Variants in POLR2B observed in about 807,000 individuals in gnomAD.
POLR2B encodes DNA-directed RNA polymerase II subunit RPB2.
POLR2B carries 57 observed loss-of-function variants against 144.6 expected under a neutral mutation model. That is an observed-to-expected ratio of 0.39 (90% CI 0.32 to 0.49). The LOEUF (loss-of-function observed/expected upper bound fraction) is 0.49, where lower values mean the gene tolerates loss of function less well. POLR2B is among the 20% of genes least tolerant of loss of function. POLR2B has a pLI of 0.83. For synonymous variants in POLR2B, 442 were observed against 469.8 expected, an observed-to-expected ratio of 0.94 and a Z score of 0.77; for missense variants, 595 against 1,467.4, an observed-to-expected ratio of 0.41 and a Z score of 9.71.
In POLR2B at chr4:56,996,275, TATA is replaced by T. The variant is rs1188209711; in HGVS notation, c.735+867_735+869del. Among the ~76,000 whole-genome samples, 706 of 104,500 alleles carry T rather than the reference TATA, an allele frequency of 6.8e-3. 21 individuals carry two copies. Among genetic ancestry groups the T allele is most frequent in the African/African-American group, 0.025 (683 of 27,818 alleles). The allele number at this position is 104,500 out of a possible 152,430, so 68.6% of individuals were successfully genotyped here. On this transcript the variant is annotated intron_variant, in intron 6 of 24. Coordinates refer to ENST00000314595, the MANE Select transcript of POLR2B (RefSeq NM_000938.3). ...GTGTGTGTGTGTGTATATATATATA[TATA>T]TTTTTTTTTTTTTTTTTTTTTGAGA... is the stretch of plus-strand genomic sequence containing the variant.
chr4:56,984,772 T>C (rs1330682283), intron 1 of POLR2B, among the ~76,000 whole-genome samples: 1 of 152,226 alleles, frequency 6.6e-6, no homozygotes, highest in Non-Finnish European at 1.5e-5. Context: ...TCATAGGCTA[T>C]ATATGTGTAC....
At chr4:56,980,359 G>A (rs1325994509) in intron 1 of POLR2B, among the ~76,000 whole-genome samples, 2 of 152,076 alleles carry the variant, frequency 1.3e-5, no homozygotes, top group Non-Finnish European at 2.9e-5. Flanking sequence ...CGAAAAAAAA[G>A]ATTTTTAAAG....
intron 23 of POLR2B, among the ~76,000 whole-genome samples, chr4:57,029,677 G>A (rs1723847392): frequency 6.6e-6 from 1 of 152,082 alleles, no homozygotes; most frequent in African/African-American, 2.4e-5. Context: ...AAGGTTGATT[G>A]CCTGGGACAG....
At chr4:56,999,837 A>T (rs1722800960) in intron 7 of POLR2B, 56 bp downstream of exon 7, 1 of 1,237,444 alleles carries the variant, frequency 8.1e-7, no homozygotes, top group African/African-American at 1.5e-5. Flanking sequence ...AGAGTTACTG[A>T]TTGTTGCTAA....
chr4:56,985,600 C>A, intron 1 of POLR2B: 2 of 421,614 alleles, frequency 4.7e-6, no homozygotes, highest in Non-Finnish European at 6.4e-6. Flanking sequence ...CAGGGTTTTG[C>A]CATATTGGCC....
intron 2 of POLR2B, chr4:56,986,948 A>G (rs929196815): frequency 3.3e-5 from 5 of 152,354 alleles, no homozygotes; most frequent in African/African-American, 1.2e-4. Context: ...CCTGGATCCA[A>G]CCTAGGATCA....
Position 57,023,948 on chromosome 4 carries a change from G to T in POLR2B, c.2857-57G>T. 1 of 972,754 alleles carries T rather than the reference G, an allele frequency of 1.0e-6. No homozygotes were observed. The highest frequency in any genetic ancestry group is 1.6e-6 in the Non-Finnish European group (1 of 638,582). The allele number at this position is 972,754 out of a possible 1,614,324, so 60.3% of individuals were successfully genotyped here. A position where few individuals can be genotyped will look rare whatever the true frequency, so the allele number is the denominator to read the frequency against. The stretch of plus-strand genomic sequence containing the variant: ...GTAATTCAGTTGGGAGAACTGAAAT[G>T]TCAGTTCTAGTTTAGTATATGTATC... On this transcript the variant is annotated intron_variant, in intron 20 of 24. Transcript: ENST00000314595. The surrounding 1 kb of genome is among the most constrained non-coding windows in gnomAD (Gnocchi z 4.3).
chr4:57,025,637 C>G lies in POLR2B; in HGVS notation c.3239+100C>G, dbSNP rs538494396. 2.2e-4 allele frequency: 155 copies of G among 704,044 alleles called. No individual in the cohort carries two copies. The African/African-American group carries it at 2.5e-3, about 12-fold the overall frequency. The allele number at this position is 704,044 out of a possible 1,614,324, so 43.6% of individuals were successfully genotyped here. The stretch of plus-strand genomic sequence containing the variant: ...TAGTGGTATAGTGAATGCCTGTGTG[C>G]CTGTTACCCCCATTTCAACAATTAT... On this transcript the variant is annotated intron_variant, in intron 23 of 24. Coordinates refer to ENST00000314595, the MANE Select transcript of POLR2B (RefSeq NM_000938.3).
rs754026412 is a variant in POLR2B, at chr4:57,005,642, A to G, written c.1140A>G (p.Arg380=). ...TACTTCTGGCAGCTTTGGGTAGAAG[A>G]GAACTAGATGACAGAGATCACTATG... ...HRLLLAALGR[R]ELDDRDHYGN... is the part of the protein sequence containing the mutation. The change falls in exon 9 of 25, where the codon AGA becomes AGG. Residue 380 remains arginine (R), a synonymous_variant. Transcript: ENST00000314595. The G allele has an allele frequency of 1.2e-6, 2 of 1,611,760 alleles. No homozygotes were observed. The highest frequency in any genetic ancestry group is 2.7e-5 in the African/African-American group (2 of 74,696).
At position 56,986,453 on chromosome 4, in the gene POLR2B, C is replaced by T. The variant is rs1408861002; in HGVS notation, c.92+27C>T. 3 of 1,433,690 alleles carry T rather than the reference C, an allele frequency of 2.1e-6. No homozygotes were observed. In the Admixed American group the frequency reaches 5.1e-5, roughly 24 times the overall value. 88.8% of individuals were successfully genotyped at this position (1,433,690 alleles called of 1,614,324 possible). ...TAACTTTGGACCAAACTGAATTAGC[C>T]TGAAAAGGCACTTTAGATTTCCTGC... On this transcript the variant is annotated intron_variant, in intron 2 of 24. Coordinates refer to ENST00000314595, the MANE Select transcript of POLR2B (RefSeq NM_000938.3).
At chr4:57,021,659 T>TG (rs60255269) in intron 17 of POLR2B, among the ~76,000 whole-genome samples, 21,928 of 151,678 alleles carry the variant, frequency 0.14, 1,895 homozygotes, top group East Asian at 0.4. Context: ...AGAGTTTTTT[T>TG]TTGTTGTTGT....
In POLR2B at chr4:56,994,875, A is replaced by G. The variant is rs771338153; in HGVS notation, c.576+9A>G. 2 of 1,420,308 alleles carry G rather than the reference A, an allele frequency of 1.4e-6. No homozygotes were observed. The allele number at this position is 1,420,308 out of a possible 1,614,324, so 88.0% of individuals were successfully genotyped here. On this transcript the variant is annotated intron_variant, in intron 5 of 24. Coordinates refer to ENST00000314595, the MANE Select transcript of POLR2B (RefSeq NM_000938.3). ...TTAATGGATCAGAAAAGGTATAGTAACATTATTTTAAAAAATTACAAAATG... is the reference window on the plus strand; with the variant it reads ...TTAATGGATCAGAAAAGGTATAGTAGCATTATTTTAAAAAATTACAAAATG...
intron 10 of POLR2B, 40 bp downstream of exon 10, chr4:57,007,042 A>G: frequency 7.6e-7 from 1 of 1,323,210 alleles, no homozygotes. Flanking sequence ...AATAGGAAAC[A>G]TGTTTATAGG....
At chr4:57,022,845 C>T (rs1723596050) in intron 18 of POLR2B, among the ~76,000 whole-genome samples, 1 of 152,182 alleles carries the variant, frequency 6.6e-6, no homozygotes, top group Non-Finnish European at 1.5e-5. Context: ...TCCTGTTACT[C>T]CCCTTCCATT....
intron 1 of POLR2B, among the ~76,000 whole-genome samples, chr4:56,982,140 A>G (rs73819061): frequency 0.025 from 3,858 of 152,208 alleles, 166 homozygotes; most frequent in African/African-American, 0.088. Flanking sequence ...AATCTGGGGT[A>G]TCTAACTGCC....
intron 8 of POLR2B, 79 bp downstream of exon 8, chr4:57,005,521 G>C: frequency 6.7e-7 from 1 of 1,489,906 alleles, no homozygotes; most frequent in Non-Finnish European, 9.0e-7. Context: ...CAAAAATGAT[G>C]TTTTTAACAT....
chr4:56,988,908 C>T (rs1267893411), intron 2 of POLR2B, among the ~76,000 whole-genome samples: 1 of 152,130 alleles, frequency 6.6e-6, no homozygotes, highest in Non-Finnish European at 1.5e-5. Flanking sequence ...TGGTAGATTG[C>T]TCAAGGATAA....
chr4:56,983,291 G>A (rs1056296287), intron 1 of POLR2B, among the ~76,000 whole-genome samples: 1 of 150,706 alleles, frequency 6.6e-6, no homozygotes, highest in African/African-American at 2.4e-5. Flanking sequence ...TATTTGGTAG[G>A]ATTCTTTCTT....
In POLR2B at chr4:56,999,644, C is replaced by G; in HGVS notation, c.763C>G (p.Arg255Gly). 1 of 1,611,460 alleles carries G rather than the reference C, an allele frequency of 6.2e-7. No individual in the cohort carries two copies. The highest frequency in any genetic ancestry group is 8.5e-7 in the Non-Finnish European group (1 of 1,178,334). The change falls in exon 7 of 25, where the codon CGC (arginine) becomes GGC (glycine). Residue 255 changes from arginine to glycine, a missense_variant. Arg to Gly is a moderately radical substitution (Grantham distance 125). Coordinates refer to ENST00000314595, the MANE Select transcript of POLR2B (RefSeq NM_000938.3). ...TGCCAAGAAGAGTGCTATTGGTCAG[C>G]GCATTGTGGCAACTCTACCATATAT... is the stretch of plus-strand genomic sequence containing the variant. ...QGAKKSAIGQ[R>G]IVATLPYIKQ...
Sources: gnomAD v4.1 joint callset for allele counts (sites outside exome capture counted in the v4.1 genomes callset) on GRCh38, gnomAD v4.1.1 for gene constraint, Gnocchi (gnomAD v3.1) non-coding constraint, MANE v1.5 for transcripts, NCBI Gene and HGNC (gene_info 2026-07-23, HGNC 2026-07-21) for gene names.